FANCD2: variants seen among roughly 807,000 people sequenced by gnomAD.
FANCD2 encodes the protein Fanconi anemia group D2 protein.
A neutral mutation model predicts 192.3 loss-of-function variants in FANCD2; 131 were observed. That is an observed-to-expected ratio of 0.68 (90% CI 0.59 to 0.79). FANCD2 has a LOEUF of 0.79. Ranked by LOEUF, FANCD2 falls within the 30% of genes least tolerant of loss-of-function variation. The pLI, the probability that FANCD2 is intolerant of heterozygous loss-of-function variation, is 0.00. For synonymous variants in FANCD2, 524 were observed against 612.5 expected (o/e 0.86, Z 2.13); for missense variants, 1,508 against 1,701.6 (o/e 0.89, Z 2.00).
Position 10,101,325 on chromosome 3 carries a change from GT to G in FANCD2, c.*66del. 9.0e-7 allele frequency: 1 copy of G among 1,111,594 alleles called. No individual in the cohort carries two copies. The highest frequency in any genetic ancestry group is 1.3e-6 in the Non-Finnish European group (1 of 746,024). 68.9% of individuals were successfully genotyped at this position (1,111,594 alleles called of 1,614,324 possible). A position where few individuals can be genotyped will look rare whatever the true frequency, so the allele number is the denominator to read the frequency against. On this transcript the variant is annotated 3_prime_UTR_variant, in exon 44 of 44. Transcript: ENST00000675286. ...CAGCCTGTGATCATTTTGTGTTAGA[GT>G]TTGAAATCCGCTGTTTGCCTTTCTT...
At chr3:10,096,527 A>G (rs1694977073) in intron 42 of FANCD2, 55 bp downstream of exon 42, 2 of 1,551,626 alleles carry the variant, frequency 1.3e-6, no homozygotes. Context: ...TTGTGACAGC[A>G]TCAGATGGCA....
chr3:10,070,195 C>G (rs1452826164), intron 26 of FANCD2, among the ~76,000 whole-genome samples: 3 of 150,318 alleles, frequency 2.0e-5, no homozygotes, highest in Admixed American at 6.6e-5. Flanking sequence ...GCAACCGCCC[C>G]GTCTGAGAAG....
At chr3:10,056,687 TC>T (rs1390189062) in intron 18 of FANCD2, among the ~76,000 whole-genome samples, 1 of 151,316 alleles carries the variant, frequency 6.6e-6, no homozygotes, top group African/African-American at 2.4e-5. Flanking sequence ...ACCTGCCACC[TC>T]CCCAGGCCCT....
chr3:10,078,472 A>C (rs1364182473), intron 30 of FANCD2, among the ~76,000 whole-genome samples: 1 of 151,930 alleles, frequency 6.6e-6, no homozygotes. Flanking sequence ...CTCCTGCCTC[A>C]GCCTCCCGAG....
chr3:10,092,253 G>A lies in FANCD2; in HGVS notation c.3849+1G>A, dbSNP rs2125086228. On this transcript the variant is annotated splice_donor_variant, in intron 38 of 43. Transcript: ENST00000675286. LOFTEE classifies it high-confidence loss of function. ...CAGTATCCTCATCAACTTGATAAAG[G>A]TGAGTATGGAGACTGCTTGACACAT... is the stretch of plus-strand genomic sequence containing the variant. The A allele has an allele frequency of 6.2e-7, 1 of 1,609,200 alleles. No homozygotes were observed. Among genetic ancestry groups the A allele is most frequent in the Non-Finnish European group, 8.5e-7 (1 of 1,175,646 alleles).
At chr3:10,054,466 T>TC (rs2087338736) in intron 18 of FANCD2, among the ~76,000 whole-genome samples, 1 of 31,106 alleles carries the variant, frequency 3.2e-5, no homozygotes, top group Non-Finnish European at 6.2e-5. Context: ...TATATATATA[T>TC]ATATATATTT....
Position 10,056,574 on chromosome 3 carries a change from C to CGT in FANCD2, c.1657-3720_1657-3719insGT, listed in dbSNP as rs2125021112. Among the ~76,000 whole-genome samples, 3 of 152,108 alleles carry CGT rather than the reference C, an allele frequency of 2.0e-5. No homozygotes were observed. The East Asian group carries it at 5.8e-4, about 29-fold the overall frequency. On this transcript the variant is annotated intron_variant, in intron 18 of 43. Coordinates refer to ENST00000675286, the MANE Select transcript of FANCD2 (RefSeq NM_001018115.3). ...TTAGATAGGGTCTTATTCTGTTACCCAAGCTGCAGTGCAGTGGCGTGATCA... is the reference window on the plus strand; with the variant it reads ...TTAGATAGGGTCTTATTCTGTTACCCGTAAGCTGCAGTGCAGTGGCGTGATCA...
intron 18 of FANCD2, among the ~76,000 whole-genome samples, chr3:10,060,089 C>T (rs1221113381): frequency 2.6e-5 from 4 of 151,588 alleles, no homozygotes; most frequent in Non-Finnish European, 5.9e-5. Context: ...ATCGTTTGAA[C>T]CTGGGAGGCA....
chr3:10,090,528 CG>C, intron 37 of FANCD2, 143 bp downstream of exon 37: 2 of 571,892 alleles, frequency 3.5e-6, no homozygotes, highest in Non-Finnish European at 6.1e-6. Flanking sequence ...GGCATGATCT[CG>C]GCTCACTGCA....
intron 39 of FANCD2, among the ~76,000 whole-genome samples, chr3:10,093,662 G>T (rs1694785537): frequency 6.6e-6 from 1 of 152,184 alleles, no homozygotes; most frequent in Non-Finnish European, 1.5e-5. Context: ...TAAAGTCTAT[G>T]GGTGGCCTTA....
In FANCD2 at chr3:10,096,412, C is replaced by T; in HGVS notation, c.4125C>T (p.Leu1375=). ...TAGTTTGCAGAGTCAAAGCTATGCT[C>T]ACTCTCAACAATTGTAGAGAGGCTT... is the stretch of plus-strand genomic sequence containing the variant. ...ELLVCRVKAM[L]TLNNCREAFW... The change falls in exon 42 of 44, where the codon CTC becomes CTT. Residue 1375 remains leucine, a synonymous_variant. Transcript: ENST00000675286. The T allele has an allele frequency of 1.2e-6, 2 of 1,614,104 alleles. No individual in the cohort carries two copies. The highest frequency in any genetic ancestry group is 1.7e-6 in the Non-Finnish European group (2 of 1,179,944).
chr3:10,034,485 T>A lies in FANCD2; in HGVS notation c.222T>A (p.Ala74=), dbSNP rs2086681775. 1 of 1,612,814 alleles carries A rather than the reference T, an allele frequency of 6.2e-7. No individual in the cohort carries two copies. The part of the protein sequence containing the change: ...SQNQLAVDQI[A]FQKKLFQTLR... ...TCTGCATAGCTGTGGATCAAATAGCTTTCCAAAAGAAGCTCTTTCAGACCC... is the reference window on the plus strand; with the variant it reads ...TCTGCATAGCTGTGGATCAAATAGCATTCCAAAAGAAGCTCTTTCAGACCC... Residue 74 remains alanine (A), a synonymous_variant, in exon 4 of 44, where the codon GCT becomes GCA. Coordinates refer to ENST00000675286, the MANE Select transcript of FANCD2 (RefSeq NM_001018115.3).
intron 26 of FANCD2, among the ~76,000 whole-genome samples, chr3:10,070,631 C>G (rs1307056014): frequency 6.9e-6 from 1 of 144,894 alleles, no homozygotes; most frequent in African/African-American, 2.5e-5. Flanking sequence ...GGAGGTGTAC[C>G]CAACAGCTCA....
rs757359450 is a variant in FANCD2, at chr3:10,039,855, C to T, written c.695+10C>T. ...TGGGGAAAGAACTCAGGTGGATAAACCCTCTGTCATCATCTAAGTGAGGCT... is the reference window on the plus strand; with the variant it reads ...TGGGGAAAGAACTCAGGTGGATAAATCCTCTGTCATCATCTAAGTGAGGCT... On this transcript the variant is annotated intron_variant, in intron 9 of 43. Coordinates refer to ENST00000675286, the MANE Select transcript of FANCD2 (RefSeq NM_001018115.3). 2 of 1,613,814 alleles carry T rather than the reference C, an allele frequency of 1.2e-6. No individual in the cohort carries two copies. Among genetic ancestry groups the T allele is most frequent in the Non-Finnish European group, 1.7e-6 (2 of 1,180,018 alleles).
Position 10,057,802 on chromosome 3 carries a change from C to T in FANCD2, c.1657-2492C>T, listed in dbSNP as rs36072588. On this transcript the variant is annotated intron_variant, in intron 18 of 43. Coordinates refer to ENST00000675286, the MANE Select transcript of FANCD2 (RefSeq NM_001018115.3). ...TTACTATTAAAATTAAAAAAAACAG[C>T]ATATTCATTTAACCACAAACCAGTC... 2.4e-4 allele frequency among the ~76,000 whole-genome samples: 36 copies of T among 152,244 alleles called. No homozygotes were observed. In the East Asian group the frequency reaches 6.6e-3, roughly 28 times the overall value.
At position 10,067,282 on chromosome 3, in the gene FANCD2, T is replaced by C. The variant is rs767590233; in HGVS notation, c.2459T>C (p.Val820Ala). Residue 820 changes from valine (V) to alanine (A), a missense_variant, in exon 26 of 44, where the codon GTA becomes GCA. This residue lies in a region of FANCD2 where 796 missense variants were observed against 879.4 expected (regional missense o/e 0.91). Transcript: ENST00000675286. ...GKVLTRLKHI[V>A]ELQIILEKYL... ...GTGCTCACTCGGTTAAAGCACATTG[T>C]AGAATTGCAAATAATCCTGGAAAAG... 1.9e-6 allele frequency: 3 copies of C among 1,613,358 alleles called. No individual in the cohort carries two copies. The highest frequency in any genetic ancestry group is 2.5e-6 in the Non-Finnish European group (3 of 1,179,436).
chr3:10,060,543 C>G (rs1575784678), intron 19 of FANCD2, 140 bp downstream of exon 19: 2 of 717,424 alleles, frequency 2.8e-6, no homozygotes, highest in East Asian at 5.4e-5. Context: ...TTCCATGTTC[C>G]CTTCTAATCG....
intron 25 of FANCD2, 93 bp from the exon 26 acceptor site, chr3:10,067,116 T>G (rs1238460387): frequency 2.2e-5 from 19 of 856,272 alleles, no homozygotes; most frequent in Non-Finnish European, 3.7e-5. Context: ...AGATCTTGCT[T>G]TTCATAGACA....
chr3:10,085,451 GCACA>G (rs1406820520), intron 32 of FANCD2, among the ~76,000 whole-genome samples: 2 of 150,018 alleles, frequency 1.3e-5, no homozygotes, highest in African/African-American at 5.0e-5. Context: ...GAGTGCAGTG[GCACA>G]ATCTCGGCTC....
Sources: gnomAD v4.1 joint callset for allele counts (sites outside exome capture counted in the v4.1 genomes callset) on GRCh38, gnomAD v4.1.1 for gene constraint, gnomAD v4.1.1 regional missense constraint, MANE v1.5 for transcripts, NCBI Gene and HGNC (gene_info 2026-07-23, HGNC 2026-07-21) for gene names.